ANO3: variants seen among roughly 807,000 people sequenced by gnomAD.
ANO3 encodes the protein anoctamin-3.
Under a neutral mutation model 144.8 loss-of-function variants are expected in ANO3, and 99 were observed. The observed-to-expected ratio is 0.68, with a 90% CI of 0.58 to 0.81. ANO3 has a LOEUF of 0.81. ANO3 is among the 30% of genes least tolerant of loss of function. The pLI is 0.00. For synonymous variants in ANO3, 414 were observed against 392.6 expected (o/e 1.05, Z -0.64); for missense variants, 905 against 1,202.2 (o/e 0.75, Z 3.66).
At chr11:26,508,387 T>C in intron 5 of ANO3, 125 bp downstream of exon 5, 1 of 817,126 alleles carries the variant, frequency 1.2e-6, no homozygotes, top group East Asian at 2.9e-5. Context: ...TTCTAACAAA[T>C]GTTAAATAAA....
intron 1 of ANO3, among the ~76,000 whole-genome samples, chr11:26,326,073 A>C (rs1854875127): frequency 6.6e-6 from 1 of 152,190 alleles, no homozygotes. Context: ...TTTCAGTTTC[A>C]AATCTGTGTT....
At chr11:26,375,091 A>C (rs1445906091) in intron 1 of ANO3, among the ~76,000 whole-genome samples, 1 of 152,188 alleles carries the variant, frequency 6.6e-6, no homozygotes, top group African/African-American at 2.4e-5. Flanking sequence ...ATAATGTAGA[A>C]TCAGTGGGAG....
intron 3 of ANO3, among the ~76,000 whole-genome samples, chr11:26,449,059 CT>C (rs1858817850): frequency 1.3e-5 from 2 of 152,276 alleles, no homozygotes; most frequent in African/African-American, 4.8e-5. Context: ...CAAACTCACT[CT>C]GGTATTCAGA....
intron 21 of ANO3, among the ~76,000 whole-genome samples, chr11:26,640,593 TA>T (rs1377082534): frequency 3.3e-5 from 5 of 152,188 alleles, no homozygotes; most frequent in African/African-American, 1.2e-4. Flanking sequence ...CATTGCAGTA[TA>T]AAAAAGTTGT....
intron 1 of ANO3, among the ~76,000 whole-genome samples, chr11:26,279,087 C>A (rs1853621144): frequency 1.3e-5 from 2 of 152,010 alleles, no homozygotes; most frequent in South Asian, 4.2e-4. Flanking sequence ...AGACTAGAAG[C>A]AAGAAAGAAT....
chr11:26,537,523 G>A (rs760317198), intron 10 of ANO3, 62 bp downstream of exon 10: 23 of 1,382,468 alleles, frequency 1.7e-5, no homozygotes, highest in Non-Finnish European at 2.3e-5. Flanking sequence ...GCTTGGTCCT[G>A]TTGTTTGCAT....
intron 1 of ANO3, among the ~76,000 whole-genome samples, chr11:26,338,452 C>A (rs1855252234): frequency 6.6e-6 from 1 of 152,086 alleles, no homozygotes; most frequent in African/African-American, 2.4e-5. Flanking sequence ...CCAATCAGCA[C>A]TCTGTAAAAT....
intron 3 of ANO3, among the ~76,000 whole-genome samples, chr11:26,456,209 C>T (rs1193566594): frequency 6.6e-6 from 1 of 152,190 alleles, no homozygotes; most frequent in African/African-American, 2.4e-5. Context: ...GCAACAGAAG[C>T]CAAAATTGAC....
intron 14 of ANO3, among the ~76,000 whole-genome samples, chr11:26,568,946 T>A (rs186176800): frequency 3.5e-3 from 529 of 152,250 alleles, no homozygotes; most frequent in African/African-American, 0.012. Context: ...TGGCATTCGA[T>A]TTATTTTCTC....
intron 1 of ANO3, among the ~76,000 whole-genome samples, chr11:26,353,097 G>A (rs1054420707): frequency 4.5e-4 from 68 of 152,298 alleles, no homozygotes; most frequent in African/African-American, 1.5e-3. Flanking sequence ...GGTTTGGAGC[G>A]TCTGTCTTTA....
At chr11:26,647,941 C>T (rs1219955384) in intron 24 of ANO3, 85 bp downstream of exon 24, 1 of 1,309,670 alleles carries the variant, frequency 7.6e-7, no homozygotes, top group Non-Finnish European at 1.0e-6. Flanking sequence ...TGTTCTGTGA[C>T]CATTAAGGGT....
intron 6 of ANO3, 136 bp downstream of exon 6, chr11:26,517,063 A>C: frequency 2.1e-6 from 1 of 465,440 alleles, no homozygotes. Flanking sequence ...TATTCTGGAC[A>C]GTTTTTTTTT....
At chr11:26,392,390 T>A (rs1220595440) in intron 1 of ANO3, among the ~76,000 whole-genome samples, 1 of 152,078 alleles carries the variant, frequency 6.6e-6, no homozygotes, top group African/African-American at 2.4e-5. Context: ...TAGAGAAAAT[T>A]ATATATGATT....
At chr11:26,460,151 A>T in intron 3 of ANO3, 1 of 446,900 alleles carries the variant, frequency 2.2e-6, no homozygotes, top group South Asian at 1.6e-5. Context: ...GTGATTTAAA[A>T]CTATCTGCAT....
At chr11:26,291,236 C>T (rs1554934727) in intron 1 of ANO3, among the ~76,000 whole-genome samples, 2 of 151,826 alleles carry the variant, frequency 1.3e-5, no homozygotes, top group Non-Finnish European at 2.9e-5. Context: ...GCAACCCTTG[C>T]TTTTTTTTGT....
chr11:26,277,544 C>A (rs1254541505), intron 1 of ANO3, among the ~76,000 whole-genome samples: 3 of 152,010 alleles, frequency 2.0e-5, no homozygotes, highest in Non-Finnish European at 4.4e-5. Context: ...TTGACTTTTG[C>A]TGCTCCTTCA....
At chr11:26,233,821 T>C (rs1852455490) in intron 1 of ANO3, among the ~76,000 whole-genome samples, 1 of 152,116 alleles carries the variant, frequency 6.6e-6, no homozygotes, top group Non-Finnish European at 1.5e-5. Context: ...AAGCCATCTT[T>C]CTCAGCAAAT....
At chr11:26,492,459 A>C (rs1336121984) in intron 4 of ANO3, among the ~76,000 whole-genome samples, 1 of 152,194 alleles carries the variant, frequency 6.6e-6, no homozygotes, top group African/African-American at 2.4e-5. Context: ...CTGGGGCAGC[A>C]GTTGTTTCTT....
intron 21 of ANO3, among the ~76,000 whole-genome samples, chr11:26,640,955 G>A (rs370679513): frequency 5.9e-5 from 9 of 152,170 alleles, no homozygotes; most frequent in African/African-American, 2.2e-4. Flanking sequence ...TCCACTGCCT[G>A]ACGTTTGTTC....
Sources: allele counts gnomAD v4.1 joint callset (sites outside exome capture counted in the v4.1 genomes callset), GRCh38; gene constraint gnomAD v4.1.1; transcripts MANE v1.5; gene names NCBI Gene and HGNC (gene_info 2026-07-23, HGNC 2026-07-21).